Variants in SLC22A24 observed in about 807,000 individuals in gnomAD.
SLC22A24 encodes steroid transmembrane transporter SLC22A24.
Under a neutral mutation model 49.8 loss-of-function variants are expected in SLC22A24, and 53 were observed. The ratio of observed to expected loss-of-function variants is 1.06; its 90% CI spans 0.85 to 1.34. The LOEUF (loss-of-function observed/expected upper bound fraction) is 1.34, where lower values mean the gene tolerates loss of function less well. Among genes scored for constraint, SLC22A24 ranks in the 40% most tolerant of loss-of-function variants. The pLI is 0.00. For synonymous variants in SLC22A24, 302 were observed against 256.4 expected, an observed-to-expected ratio of 1.18 and a Z score of -1.70; for missense variants, 786 against 675.9, an observed-to-expected ratio of 1.16 and a Z score of -1.81.
rs755232708 is a variant in SLC22A24 at position 63,096,036 on chromosome 11, C to G, written c.1025G>C (p.Arg342Pro). The G allele has an allele frequency of 1.0e-5, 16 of 1,550,702 alleles. No individual in the cohort carries two copies. The Admixed American group carries it at 3.1e-4, about 30-fold the overall frequency. ...GACTCTCATTCGCAATTTGGGTGCA[C>G]GGAACAGGGAAAAAATGGATGTTTT... ...RIKTSIFSLF[R>P]APKLRMRVFG... Residue 342 changes from arginine (R) to proline (P), a missense_variant, in exon 6 of 10, where the codon CGT becomes CCT. Coordinates refer to ENST00000612278, the MANE Select transcript of SLC22A24 (RefSeq NM_001136506.2).
At chr11:63,140,370 A>C (rs564381411) in intron 1 of SLC22A24, among the ~76,000 whole-genome samples, 63 of 152,192 alleles carry the variant, frequency 4.1e-4, no homozygotes, top group African/African-American at 1.5e-3. Flanking sequence ...GTGAGCCACC[A>C]CATCTGGGCA....
chr11:63,141,137 AATCTT>A (rs1176486510), intron 1 of SLC22A24, among the ~76,000 whole-genome samples: 3 of 152,338 alleles, frequency 2.0e-5, no homozygotes, highest in South Asian at 2.1e-4. Flanking sequence ...AGTTTATAAA[AATCTT>A]ATCTTATGGT....
At chr11:63,101,529 A>G (rs1415772772) in intron 5 of SLC22A24, among the ~76,000 whole-genome samples, 1 of 152,028 alleles carries the variant, frequency 6.6e-6, no homozygotes, top group African/African-American at 2.4e-5. Flanking sequence ...GATCACTACT[A>G]TAAGGTAAAA....
rs1221424643 is a variant in SLC22A24 at position 63,119,005 on chromosome 11, A to G, written c.737T>C (p.Met246Thr). Residue 246 changes from methionine (M) to threonine (T), a missense_variant, in exon 4 of 10, where the codon ATG becomes ACG. Met to Thr is a moderately conservative substitution (Grantham distance 81). Coordinates refer to ENST00000612278, the MANE Select transcript of SLC22A24 (RefSeq NM_001136506.2). ...GGCAAAAGCCAGCCCTCCTAGGAGC[A>G]TCTGCCCAACACTGTAGGAACATAA... ...VLLCSYSVGQ[M>T]LLGGLAFAIQ... The G allele has an allele frequency of 6.4e-7, 1 of 1,551,676 alleles. No individual in the cohort carries two copies. The highest frequency in any genetic ancestry group is 1.4e-5 in the African/African-American group (1 of 73,068).
At position 63,143,804 on chromosome 11, in the gene SLC22A24, G is replaced by T. The variant is rs750753247; in HGVS notation, c.-25C>A. ...TTGAGACTGAACAGGTGATCCCCAA[G>T]AGGAAGCACAATGACTTTATGAAGA... On this transcript the variant is annotated 5_prime_UTR_variant, in exon 1 of 10. Coordinates refer to ENST00000612278, the MANE Select transcript of SLC22A24 (RefSeq NM_001136506.2). 4.1e-5 allele frequency: 55 copies of T among 1,339,596 alleles called. No homozygotes were observed. The highest frequency in any genetic ancestry group is 5.1e-5 in the Non-Finnish European group (53 of 1,040,852). The allele number at this position is 1,339,596 out of a possible 1,614,324, so 83.0% of individuals were successfully genotyped here.
chr11:63,121,599 T>G (rs1043353478), intron 2 of SLC22A24, among the ~76,000 whole-genome samples: 1 of 152,112 alleles, frequency 6.6e-6, no homozygotes, highest in Admixed American at 6.6e-5. Flanking sequence ...TCACACATTT[T>G]TTTTTGCTTT....
chr11:63,097,064 A>C (rs372737502), intron 5 of SLC22A24, among the ~76,000 whole-genome samples: 45 of 152,254 alleles, frequency 3.0e-4, no homozygotes, highest in African/African-American at 1.0e-3. Flanking sequence ...AGACTTTTAC[A>C]TAGAGCTCCA....
At chr11:63,126,992 ATTATACT>A (rs1460759351) in intron 2 of SLC22A24, among the ~76,000 whole-genome samples, 1 of 152,114 alleles carries the variant, frequency 6.6e-6, no homozygotes, top group East Asian at 1.9e-4. Context: ...ATTTTTAAAA[ATTATACT>A]TTAAGTTCTA....
intron 6 of SLC22A24, among the ~76,000 whole-genome samples, chr11:63,094,511 G>A (rs2087040775): frequency 6.6e-6 from 1 of 152,126 alleles, no homozygotes; most frequent in Non-Finnish European, 1.5e-5. Flanking sequence ...TGGGATGGCT[G>A]GGTCGACTGG....
intron 4 of SLC22A24, among the ~76,000 whole-genome samples, chr11:63,107,764 G>A (rs960469999): frequency 6.6e-6 from 1 of 152,108 alleles, no homozygotes; most frequent in Non-Finnish European, 1.5e-5. Flanking sequence ...GAATGCTTGT[G>A]ATTTTCGCAC....
At chr11:63,120,501 C>T (rs962723222) in intron 2 of SLC22A24, among the ~76,000 whole-genome samples, 1 of 151,816 alleles carries the variant, frequency 6.6e-6, no homozygotes, top group Non-Finnish European at 1.5e-5. Flanking sequence ...AGCAACTGTT[C>T]CCCTCAGTGC....
At chr11:63,127,215 G>A (rs1053194702) in intron 2 of SLC22A24, among the ~76,000 whole-genome samples, 3 of 152,090 alleles carry the variant, frequency 2.0e-5, no homozygotes, top group Admixed American at 1.3e-4. Flanking sequence ...ACCTATAAGT[G>A]AGAACATGTG....
chr11:63,120,033 ATG>A (rs1461571427), intron 2 of SLC22A24, among the ~76,000 whole-genome samples: 2 of 151,416 alleles, frequency 1.3e-5, no homozygotes, highest in Non-Finnish European at 2.9e-5. Flanking sequence ...CCTTTGTCAG[ATG>A]AGTAGGTTGT....
intron 2 of SLC22A24, among the ~76,000 whole-genome samples, chr11:63,132,674 G>T (rs2087345214): frequency 1.3e-5 from 2 of 152,146 alleles, no homozygotes; most frequent in South Asian, 2.1e-4. Flanking sequence ...TCCTCTGGAA[G>T]CTTCTTCCCA....
At chr11:63,126,375 A>G (rs4963368) in intron 2 of SLC22A24, among the ~76,000 whole-genome samples, 109,007 of 152,118 alleles carry the variant, frequency 0.72, 40,464 homozygotes, top group East Asian at 0.9. Flanking sequence ...TTTTCTGCAT[A>G]TGGCTAGCCT....
At chr11:63,111,023 A>T (rs918253109) in intron 4 of SLC22A24, among the ~76,000 whole-genome samples, 1 of 152,122 alleles carries the variant, frequency 6.6e-6, no homozygotes, top group African/African-American at 2.4e-5. Context: ...AATACATCCC[A>T]TCAATACCTA....
chr11:63,118,912 CAAGAGGACAAG>C lies in SLC22A24; in HGVS notation c.819_829del (p.Phe273LeufsTer18). On this transcript the variant is annotated frameshift_variant and splice_region_variant, in exon 4 of 10. Transcript: ENST00000612278. LOFTEE classifies it high-confidence loss of function. ...CAAAGAATGTGGAGATTGTTCATAC[CAAGAGGACAAG>C]AAGAGGACAATTATGGGTGTAGACA... The C allele has an allele frequency of 3.9e-6, 6 of 1,551,906 alleles. No individual in the cohort carries two copies. The highest frequency in any genetic ancestry group is 4.4e-6 in the Non-Finnish European group (5 of 1,147,016).
chr11:63,080,021 C>G, intron 9 of SLC22A24, 21 bp from the exon 10 acceptor site: 2 of 1,458,554 alleles, frequency 1.4e-6, no homozygotes, highest in Non-Finnish European at 9.4e-7. Flanking sequence ...GAAATGCAAA[C>G]AAAAACAAGA....
intron 2 of SLC22A24, among the ~76,000 whole-genome samples, chr11:63,130,110 G>A (rs1647260101): frequency 6.6e-6 from 1 of 152,150 alleles, no homozygotes; most frequent in South Asian, 2.1e-4. Flanking sequence ...TTGGCTTTGG[G>A]TTTGTCATAA....
Sources: gnomAD v4.1 joint callset for allele counts (sites outside exome capture counted in the v4.1 genomes callset) on GRCh38, gnomAD v4.1.1 for gene constraint, MANE v1.5 for transcripts, NCBI Gene and HGNC (gene_info 2026-07-23, HGNC 2026-07-21) for gene names.